The following AKAP6 variants were observed in gnomAD, a reference collection of about 807,000 sequenced individuals.
The protein encoded by AKAP6 is A-kinase anchor protein 6.
A neutral mutation model predicts 188.5 loss-of-function variants in AKAP6; 58 were observed. That is an observed-to-expected ratio of 0.31 (90% CI 0.25 to 0.38). The LOEUF (loss-of-function observed/expected upper bound fraction) is 0.38, where lower values mean the gene tolerates loss of function less well. Ranked by LOEUF, AKAP6 falls within the 10% of genes least tolerant of loss-of-function variation. The pLI, the probability that AKAP6 is intolerant of heterozygous loss-of-function variation, is 1.00. For synonymous variants in AKAP6, 989 were observed against 998.6 expected, an observed-to-expected ratio of 0.99 and a Z score of 0.18; for missense variants, 2,710 against 2,740.0, an observed-to-expected ratio of 0.99 and a Z score of 0.24.
At chr14:32,404,908 A>C (rs1889237507) in intron 1 of AKAP6, among the ~76,000 whole-genome samples, 1 of 149,388 alleles carries the variant, frequency 6.7e-6, no homozygotes, top group Non-Finnish European at 1.5e-5. Flanking sequence ...TGGGCAAGCA[A>C]TAACTGTATT....
intron 11 of AKAP6, among the ~76,000 whole-genome samples, chr14:32,750,737 G>GTTTTT (rs71293226): frequency 2.9e-5 from 4 of 138,366 alleles, no homozygotes; most frequent in Non-Finnish European, 3.0e-5. Flanking sequence ...AATTAATTTT[G>GTTTTT]TTTTTTTTTT....
chr14:32,735,642 T>G lies in AKAP6; in HGVS notation c.3148-16T>G. 6 of 1,527,050 alleles carry G rather than the reference T, an allele frequency of 3.9e-6. No individual in the cohort carries two copies. The highest frequency in any genetic ancestry group is 5.3e-6 in the Non-Finnish European group (6 of 1,134,420). 94.6% of individuals were successfully genotyped at this position (1,527,050 alleles called of 1,614,324 possible). On this transcript the variant is annotated splice_polypyrimidine_tract_variant and intron_variant, in intron 10 of 13. Transcript: ENST00000280979. ...TTTGTTTGTTTTATTTTTTGTTTTT[T>G]AATCTGATGCATTAGAAAACCCTAG...
chr14:32,431,061 C>T (rs931598883), intron 1 of AKAP6, among the ~76,000 whole-genome samples: 20 of 151,190 alleles, frequency 1.3e-4, no homozygotes, highest in African/African-American at 4.9e-4. Flanking sequence ...GCTGAGATGG[C>T]ACCACTGCAC....
At chr14:32,782,585 G>A (rs1488110946) in intron 12 of AKAP6, among the ~76,000 whole-genome samples, 1 of 151,990 alleles carries the variant, frequency 6.6e-6, no homozygotes, top group Non-Finnish European at 1.5e-5. Context: ...ATATATAAAT[G>A]TCAATTATAT....
intron 1 of AKAP6, among the ~76,000 whole-genome samples, chr14:32,422,232 T>C (rs1889873793): frequency 6.6e-6 from 1 of 152,148 alleles, no homozygotes; most frequent in African/African-American, 2.4e-5. Context: ...CTGCCCAAGA[T>C]TTCTGATGCC....
At chr14:32,813,389 A>ACC (rs112729792) in intron 12 of AKAP6, among the ~76,000 whole-genome samples, 6,877 of 64,006 alleles carry the variant, frequency 0.11, 541 homozygotes, top group East Asian at 0.22. Context: ...CTCTAACCCT[A>ACC]CCCCCCCCCC....
intron 7 of AKAP6, among the ~76,000 whole-genome samples, chr14:32,658,897 A>C (rs890536009): frequency 6.6e-6 from 1 of 151,848 alleles, no homozygotes; most frequent in Non-Finnish European, 1.5e-5. Flanking sequence ...CCAATTCTCA[A>C]CCAACTACCA....
At chr14:32,380,101 C>T (rs1594559397) in intron 1 of AKAP6, among the ~76,000 whole-genome samples, 5 of 152,342 alleles carry the variant, frequency 3.3e-5, no homozygotes, top group African/African-American at 1.2e-4. Context: ...TTTGTCTCTG[C>T]TGAGCATCTA....
rs564174789 is a variant in AKAP6, at chr14:32,546,753, A to G, written c.2100A>G (p.Ser700=). 18 of 1,614,098 alleles carry G rather than the reference A, an allele frequency of 1.1e-5. No individual in the cohort carries two copies. In the South Asian group the frequency reaches 2.0e-4, roughly 18 times the overall value. ...GGCTAGGCAGGGTGTCTCCAAGCTC[A>G]TCTAGTGACATAGCCTCTTCACTAG... ...HTRLGRVSPS[S]SSDIASSLGE... is the part of the protein sequence containing the mutation. The change falls in exon 4 of 14, where the codon TCA becomes TCG. Residue 700 remains serine, a synonymous_variant. Transcript: ENST00000280979.
intron 2 of AKAP6, among the ~76,000 whole-genome samples, chr14:32,522,071 G>A (rs530995416): frequency 5.5e-4 from 84 of 152,186 alleles, no homozygotes; most frequent in African/African-American, 1.9e-3. Context: ...CAAACCTGAC[G>A]AAAACAAGAA....
chr14:32,400,576 A>AAAAAAAAAAAAG (rs1889053340), intron 1 of AKAP6, among the ~76,000 whole-genome samples: 1 of 149,944 alleles, frequency 6.7e-6, no homozygotes, highest in South Asian at 2.1e-4. Flanking sequence ...AAAAAAAAAA[A>AAAAAAAAAAAAG]AAAGACAGTA....
intron 11 of AKAP6, among the ~76,000 whole-genome samples, chr14:32,751,494 T>C (rs2032136340): frequency 7.9e-6 from 1 of 126,156 alleles, no homozygotes; most frequent in East Asian, 2.2e-4. Flanking sequence ...TCTGTCTCTT[T>C]TCACTTTTTT....
intron 11 of AKAP6, among the ~76,000 whole-genome samples, chr14:32,761,540 C>T (rs1373121167): frequency 6.6e-6 from 1 of 151,994 alleles, no homozygotes; most frequent in Non-Finnish European, 1.5e-5. Context: ...AGAAAAATAC[C>T]ATGCAGCAGG....
intron 7 of AKAP6, among the ~76,000 whole-genome samples, chr14:32,652,862 A>C (rs1446918163): frequency 6.6e-6 from 1 of 152,104 alleles, no homozygotes; most frequent in East Asian, 1.9e-4. Context: ...AAACCAGCCT[A>C]GGCAACACAG....
chr14:32,559,397 G>A (rs1194763075), intron 4 of AKAP6, among the ~76,000 whole-genome samples: 1 of 152,170 alleles, frequency 6.6e-6, no homozygotes, highest in East Asian at 1.9e-4. Flanking sequence ...AGAAATCTGG[G>A]TTTTATGTGA....
chr14:32,623,878 G>A (rs144604590), intron 7 of AKAP6, among the ~76,000 whole-genome samples: 5 of 152,196 alleles, frequency 3.3e-5, no homozygotes, highest in East Asian at 3.9e-4. Context: ...TGACTGCCCC[G>A]ACTGTGTTAG....
intron 7 of AKAP6, among the ~76,000 whole-genome samples, chr14:32,667,166 C>A (rs149051470): frequency 2.3e-3 from 347 of 152,092 alleles, no homozygotes; most frequent in Middle Eastern, 6.8e-3. Context: ...TCGTGCATGA[C>A]CCTCGGAGCC....
chr14:32,815,065 A>G (rs2034344105), intron 12 of AKAP6, among the ~76,000 whole-genome samples: 1 of 152,212 alleles, frequency 6.6e-6, no homozygotes, highest in Non-Finnish European at 1.5e-5. Flanking sequence ...CCTTTTGAGA[A>G]CAAAGGCAAT....
chr14:32,719,100 A>G, intron 9 of AKAP6, among the ~76,000 whole-genome samples: 1 of 152,210 alleles, frequency 6.6e-6, no homozygotes, highest in East Asian at 1.9e-4. Context: ...AAAACTCCAT[A>G]GCATTATGGA....
Sources: allele counts gnomAD v4.1 joint callset (sites outside exome capture counted in the v4.1 genomes callset), GRCh38; gene constraint gnomAD v4.1.1; transcripts MANE v1.5; gene names NCBI Gene and HGNC (gene_info 2026-07-23, HGNC 2026-07-21).